Variants in SDC1 observed in about 807,000 individuals in gnomAD.
The protein encoded by SDC1 is syndecan-1.
SDC1 carries 14 observed loss-of-function variants against 29.7 expected under a neutral mutation model. The ratio of observed to expected loss-of-function variants is 0.47; its 90% confidence interval spans 0.31 to 0.74. The LOEUF is 0.74. SDC1 is among the 30% of genes least tolerant of loss of function. SDC1 has a pLI of 0.05. For synonymous variants in SDC1, 204 were observed against 175.5 expected (o/e 1.16, Z -1.29); for missense variants, 406 against 400.3 (o/e 1.01, Z -0.12).
At chr2:20,212,127 G>A (rs1407750557) in intron 1 of SDC1, among the ~76,000 whole-genome samples, 1 of 152,172 alleles carries the variant, frequency 6.6e-6, no homozygotes, top group East Asian at 1.9e-4. Context: ...GTGCTGCTCT[G>A]GGAACTAGAC....
In SDC1 at chr2:20,202,266, A is replaced by G; in HGVS notation, c.*500T>C. 1 of 779,224 alleles carries G rather than the reference A, an allele frequency of 1.3e-6. No homozygotes were observed. The highest frequency in any genetic ancestry group is 1.7e-5 in the African/African-American group (1 of 59,228). The allele number at this position is 779,224 out of a possible 1,614,324, so 48.3% of individuals were successfully genotyped here. ...AGGAAACATGTGCAAAAACAAGTCG[A>G]TATCTAGATTAGACCTCCCCACGAA... On this transcript the variant is annotated 3_prime_UTR_variant, in exon 5 of 5. Coordinates refer to ENST00000254351, the MANE Select transcript of SDC1 (RefSeq NM_002997.5).
chr2:20,212,395 C>G (rs540871983), intron 1 of SDC1, among the ~76,000 whole-genome samples: 2 of 152,198 alleles, frequency 1.3e-5, no homozygotes, highest in African/African-American at 4.8e-5. Context: ...CCAGGAGACA[C>G]TGGGCTCCCC....
intron 1 of SDC1, among the ~76,000 whole-genome samples, chr2:20,213,324 G>C (rs938088598): frequency 7.2e-5 from 11 of 152,244 alleles, no homozygotes; most frequent in African/African-American, 2.7e-4. Flanking sequence ...GTTTCATCCA[G>C]GCAGGCGATG....
At position 20,224,266 on chromosome 2, in the gene SDC1, C is replaced by T. The variant is rs1354142828; in HGVS notation, c.66+536G>A. 8 of 208,218 alleles carry T rather than the reference C, an allele frequency of 3.8e-5. No individual in the cohort carries two copies. The East Asian group carries it at 6.8e-4, about 18-fold the overall frequency. 12.9% of individuals were successfully genotyped at this position (208,218 alleles called of 1,614,324 possible). On this transcript the variant is annotated intron_variant, in intron 1 of 4. Transcript: ENST00000254351. The surrounding 1 kb of genome is among the most constrained non-coding windows in gnomAD (Gnocchi z 4.9). ...CCCCCACGCAGCCCTGGCCCGGCTC[C>T]CCGGGCCAACGCGGCCGCCTCCCGC...
intron 1 of SDC1, among the ~76,000 whole-genome samples, chr2:20,205,768 C>T (rs1677247058): frequency 6.6e-6 from 1 of 152,176 alleles, no homozygotes; most frequent in African/African-American, 2.4e-5. Flanking sequence ...GGCTGTGGTC[C>T]CCATGGGACC....
intron 1 of SDC1, among the ~76,000 whole-genome samples, chr2:20,219,194 G>C (rs1282098961): frequency 6.6e-6 from 1 of 151,882 alleles, no homozygotes; most frequent in Non-Finnish European, 1.5e-5. Context: ...TACAGGCCCT[G>C]CCAAAAAGCA....
chr2:20,223,133 C>T (rs1677873561), intron 1 of SDC1: 2 of 667,888 alleles, frequency 3.0e-6, no homozygotes, highest in Non-Finnish European at 4.6e-6. Flanking sequence ...CCTCACAGTC[C>T]AGCCCATTCA....
chr2:20,219,533 A>G (rs1677746822), intron 1 of SDC1, among the ~76,000 whole-genome samples: 1 of 152,180 alleles, frequency 6.6e-6, no homozygotes, highest in African/African-American at 2.4e-5. Flanking sequence ...GGTGAGGGGC[A>G]TACACACATC....
intron 1 of SDC1, among the ~76,000 whole-genome samples, chr2:20,220,380 GCA>G (rs142066661): frequency 1.3e-5 from 2 of 151,462 alleles, no homozygotes; most frequent in African/African-American, 4.9e-5. Flanking sequence ...CACACACACT[GCA>G]CACACACACA....
upstream of SDC1, chr2:20,225,454 G>A (rs1013164949): frequency 6.6e-6 from 1 of 152,460 alleles, no homozygotes; most frequent in African/African-American, 2.4e-5. Flanking sequence ...CAGTCCTCGG[G>A]CGCGAGTGTG....
At chr2:20,204,569 C>G (rs1229435076) in intron 2 of SDC1, among the ~76,000 whole-genome samples, 1 of 151,998 alleles carries the variant, frequency 6.6e-6, no homozygotes, top group African/African-American at 2.4e-5. Context: ...TCTGTGACCA[C>G]AGGGGTGGGG....
intron 1 of SDC1, among the ~76,000 whole-genome samples, chr2:20,206,452 G>T (rs1677275485): frequency 6.6e-6 from 1 of 152,174 alleles, no homozygotes; most frequent in South Asian, 2.1e-4. Flanking sequence ...AGGGCAGAAA[G>T]TCAGGACTGC....
At chr2:20,209,290 G>A (rs1166573669) in intron 1 of SDC1, among the ~76,000 whole-genome samples, 5 of 152,178 alleles carry the variant, frequency 3.3e-5, no homozygotes, top group Non-Finnish European at 7.3e-5. Context: ...AGCAGATAAG[G>A]ACTAGAGACT....
chr2:20,210,717 C>T (rs1426915563), intron 1 of SDC1, among the ~76,000 whole-genome samples: 2 of 152,178 alleles, frequency 1.3e-5, no homozygotes, highest in East Asian at 3.9e-4. Flanking sequence ...AGCTAGGTCA[C>T]CACCTTTGAC....
intron 1 of SDC1, among the ~76,000 whole-genome samples, chr2:20,210,810 T>C (rs1677442518): frequency 6.6e-6 from 1 of 152,120 alleles, no homozygotes; most frequent in South Asian, 2.1e-4. Context: ...AAGCCCAGGC[T>C]GCGAGGTCAT....
rs748211277 is a variant in SDC1 at position 20,201,540 on chromosome 2, G to C, written c.*1226C>G. The C allele has an allele frequency of 1.3e-5, 2 of 152,672 alleles. No individual in the cohort carries two copies. Among genetic ancestry groups the C allele is most frequent in the Non-Finnish European group, 2.9e-5 (2 of 68,048 alleles). The allele number at this position is 152,672 out of a possible 1,614,324, so 9.5% of individuals were successfully genotyped here. A position where few individuals can be genotyped will look rare whatever the true frequency, so the allele number is the denominator to read the frequency against. On this transcript the variant is annotated 3_prime_UTR_variant, in exon 5 of 5. Coordinates refer to ENST00000254351, the MANE Select transcript of SDC1 (RefSeq NM_002997.5). Reference sequence around the variant, plus strand: ...TTACATTTGGAAAATCTACTGTACAGGGAAAAACCCATTGGATTAAGTAGA... The same window carrying C: ...TTACATTTGGAAAATCTACTGTACACGGAAAAACCCATTGGATTAAGTAGA...
In SDC1 at chr2:20,206,526, C is replaced by T. The variant is rs554744353; in HGVS notation, c.67-1102G>A. 6.6e-5 allele frequency among the ~76,000 whole-genome samples: 10 copies of T among 152,230 alleles called. No homozygotes were observed. The East Asian group carries it at 9.7e-4, about 15-fold the overall frequency. ...AAGAGAGAACCCAGCAGCCAGGTGG[C>T]GAGAAGTGTGGCTTTGAGAGCCCTA... On this transcript the variant is annotated intron_variant, in intron 1 of 4. Coordinates refer to ENST00000254351, the MANE Select transcript of SDC1 (RefSeq NM_002997.5).
chr2:20,208,708 C>T (rs1314122784), intron 1 of SDC1, among the ~76,000 whole-genome samples: 2 of 152,224 alleles, frequency 1.3e-5, no homozygotes, highest in African/African-American at 4.8e-5. Flanking sequence ...TCATCTCCAA[C>T]CTGGGTGCTT....
Position 20,224,685 on chromosome 2 carries a change from C to T in SDC1, c.66+117G>A. 1 of 1,148,196 alleles carries T rather than the reference C, an allele frequency of 8.7e-7. No homozygotes were observed. The highest frequency in any genetic ancestry group is 1.1e-6 in the Non-Finnish European group (1 of 921,180). 71.1% of individuals were successfully genotyped at this position (1,148,196 alleles called of 1,614,324 possible). A position where few individuals can be genotyped will look rare whatever the true frequency, so the allele number is the denominator to read the frequency against. On this transcript the variant is annotated intron_variant, in intron 1 of 4. Coordinates refer to ENST00000254351, the MANE Select transcript of SDC1 (RefSeq NM_002997.5). This position sits in a 1 kb window ranked among gnomAD's most constrained non-coding sequence, Gnocchi z 4.9. ...ACCGTCCCGGGACCCGCTGGGCTAG[C>T]GCGGGAAGAAGGGAAGTCTTCGCTC...
Sources: allele counts gnomAD v4.1 joint callset (sites outside exome capture counted in the v4.1 genomes callset), GRCh38; gene constraint gnomAD v4.1.1; non-coding constraint Gnocchi (gnomAD v3.1); transcripts MANE v1.5; gene names NCBI Gene and HGNC (gene_info 2026-07-23, HGNC 2026-07-21).